The following SLC24A4 variants were observed in gnomAD, a reference collection of about 807,000 sequenced individuals.
The protein encoded by SLC24A4 is sodium/potassium/calcium exchanger 4.
In SLC24A4, 53 loss-of-function variants were observed where a neutral mutation model predicts 79.0. The ratio of observed to expected loss-of-function variants is 0.67; its 90% CI spans 0.54 to 0.84. The LOEUF is 0.84. SLC24A4 is among the 40% of genes least tolerant of loss of function. The pLI, the probability that SLC24A4 is intolerant of heterozygous loss-of-function variation, is 0.00. For synonymous variants in SLC24A4, 323 were observed against 323.8 expected (o/e 1.00, Z 0.03); for missense variants, 731 against 822.0 (o/e 0.89, Z 1.35).
At chr14:92,447,508 C>A in intron 9 of SLC24A4, 84 bp downstream of exon 9, 1 of 1,320,724 alleles carries the variant, frequency 7.6e-7, no homozygotes, top group Non-Finnish European at 1.1e-6. Flanking sequence ...GGGAGAAAAA[C>A]ATCTGTCAGA....
intron 2 of SLC24A4, among the ~76,000 whole-genome samples, chr14:92,432,582 C>T (rs1891935034): frequency 6.6e-6 from 1 of 152,154 alleles, no homozygotes; most frequent in African/African-American, 2.4e-5. Flanking sequence ...GCTGACAAAC[C>T]TTGAAGCCAA....
intron 2 of SLC24A4, among the ~76,000 whole-genome samples, chr14:92,346,374 T>C (rs996787233): frequency 4.6e-5 from 7 of 152,118 alleles, no homozygotes; most frequent in African/African-American, 1.7e-4. Context: ...AGGATGGCCA[T>C]GGAGAAGGCA....
Position 92,442,788 on chromosome 14 carries a change from T to C in SLC24A4, c.554T>C (p.Ile185Thr), listed in dbSNP as rs202125726. The C allele has an allele frequency of 9.9e-6, 16 of 1,614,044 alleles. No homozygotes were observed. In the Middle Eastern group the frequency reaches 5.0e-4, roughly 50 times the overall value. Residue 185 changes from isoleucine (I) to threonine (T), a missense_variant, in exon 6 of 17, where the codon ATT (isoleucine) becomes ACT (threonine). Coordinates refer to ENST00000532405, the MANE Select transcript of SLC24A4 (RefSeq NM_153646.4). The part of the protein sequence containing the change: ...GSAVFNILCI[I>T]GVCGLFAGQV... The stretch of plus-strand genomic sequence containing the variant: ...GCTGTGTTCAACATCCTGTGCATAA[T>C]TGGAGTGTGCGGACTGTTTGCTGGC...
intron 12 of SLC24A4, among the ~76,000 whole-genome samples, chr14:92,471,181 T>A (rs1189228677): frequency 1.3e-5 from 2 of 152,232 alleles, no homozygotes; most frequent in African/African-American, 4.8e-5. Flanking sequence ...AGCATCAGTA[T>A]CCCATTACTG....
chr14:92,375,017 T>C (rs1402159316), intron 2 of SLC24A4, among the ~76,000 whole-genome samples: 1 of 152,206 alleles, frequency 6.6e-6, no homozygotes, highest in Non-Finnish European at 1.5e-5. Flanking sequence ...AACGAGGCTA[T>C]GCCCTCTGTC....
intron 2 of SLC24A4, among the ~76,000 whole-genome samples, chr14:92,399,525 C>T (rs777672277): frequency 2.0e-5 from 3 of 152,134 alleles, no homozygotes; most frequent in Non-Finnish European, 4.4e-5. Flanking sequence ...TCCGTATTTC[C>T]TGGTGTTGAC....
At chr14:92,488,953 A>G (rs951319664) in intron 14 of SLC24A4, among the ~76,000 whole-genome samples, 1 of 152,164 alleles carries the variant, frequency 6.6e-6, no homozygotes, top group African/African-American at 2.4e-5. Flanking sequence ...TGTCCCAGTA[A>G]GATCAACAAA....
intron 12 of SLC24A4, among the ~76,000 whole-genome samples, chr14:92,468,154 T>A (rs7155778): frequency 0.7 from 106,120 of 152,062 alleles, 37,684 homozygotes; most frequent in Non-Finnish European, 0.76. Flanking sequence ...ATATTAAACA[T>A]TCCCATTTAC....
At chr14:92,493,230 G>C (rs1895796085) in intron 16 of SLC24A4, among the ~76,000 whole-genome samples, 1 of 152,168 alleles carries the variant, frequency 6.6e-6, no homozygotes, top group South Asian at 2.1e-4. Flanking sequence ...CCGGTCCCAT[G>C]AGGGCGGCTG....
At chr14:92,341,863 G>A (rs930598364) in intron 2 of SLC24A4, among the ~76,000 whole-genome samples, 1 of 152,190 alleles carries the variant, frequency 6.6e-6, no homozygotes, top group Non-Finnish European at 1.5e-5. Flanking sequence ...ATTCTTCTCT[G>A]GGCCTCAGAG....
chr14:92,439,919 A>G (rs10143108), intron 4 of SLC24A4, among the ~76,000 whole-genome samples: 3,367 of 152,264 alleles, frequency 0.022, 111 homozygotes, highest in African/African-American at 0.07. Context: ...CTCCTCATAC[A>G]CAAGATCCCA....
rs763079298 is a variant in SLC24A4, at chr14:92,493,639, C to T, written c.*11C>T. On this transcript the variant is annotated 3_prime_UTR_variant, in exon 17 of 17. Coordinates refer to ENST00000532405, the MANE Select transcript of SLC24A4 (RefSeq NM_153646.4). ...CGGGAAGACGATTAGCGCTGAGTCGCGGCCCCTGGGAGCTGATCTGGACAC... is the reference window on the plus strand; with the variant it reads ...CGGGAAGACGATTAGCGCTGAGTCGTGGCCCCTGGGAGCTGATCTGGACAC... The T allele has an allele frequency of 8.1e-6, 13 of 1,613,488 alleles. No individual in the cohort carries two copies. Among genetic ancestry groups the T allele is most frequent in the Admixed American group, 3.3e-5 (2 of 59,978 alleles).
chr14:92,463,708 G>C (rs1893943419), intron 12 of SLC24A4, among the ~76,000 whole-genome samples: 1 of 152,022 alleles, frequency 6.6e-6, no homozygotes, highest in Non-Finnish European at 1.5e-5. Context: ...CAATTCAGTG[G>C]CTTTTAATAT....
intron 2 of SLC24A4, among the ~76,000 whole-genome samples, chr14:92,337,114 G>A (rs554292041): frequency 6.6e-6 from 1 of 152,192 alleles, no homozygotes; most frequent in East Asian, 1.9e-4. Context: ...AAAACATGGG[G>A]AGGGGGTGGC....
At chr14:92,338,495 G>A (rs2141611096) in intron 2 of SLC24A4, among the ~76,000 whole-genome samples, 1 of 152,322 alleles carries the variant, frequency 6.6e-6, no homozygotes, top group South Asian at 2.1e-4. Flanking sequence ...GGCTAATGTG[G>A]TTGATGCAGT....
At chr14:92,444,809 C>T (rs987372948) in intron 7 of SLC24A4, among the ~76,000 whole-genome samples, 3 of 152,000 alleles carry the variant, frequency 2.0e-5, no homozygotes, top group South Asian at 2.1e-4. Flanking sequence ...GAGCCAAAAT[C>T]GCACTGCTGC....
chr14:92,388,084 T>C (rs1889264087), intron 2 of SLC24A4, among the ~76,000 whole-genome samples: 1 of 144,288 alleles, frequency 6.9e-6, no homozygotes, highest in African/African-American at 2.8e-5. Context: ...CTAGATCACA[T>C]GGTAATTCTG....
At chr14:92,355,887 T>C (rs561559615) in intron 2 of SLC24A4, among the ~76,000 whole-genome samples, 1 of 152,290 alleles carries the variant, frequency 6.6e-6, no homozygotes, top group East Asian at 1.9e-4. Context: ...CGTGTGTTGA[T>C]TTGTTTGTGG....
chr14:92,497,486 C>A lies in SLC24A4; in HGVS notation c.*3858C>A, dbSNP rs1450543608. On this transcript the variant is annotated 3_prime_UTR_variant, in exon 17 of 17. Transcript: ENST00000532405. The stretch of plus-strand genomic sequence containing the variant: ...CTTTCTCCTCTCTGAATCCTGGGGC[C>A]CCTCTCCCTCCTTAAAGCTGGAGTG... The A allele has an allele frequency of 6.6e-6, 1 of 152,324 alleles. No homozygotes were observed. Among genetic ancestry groups the A allele is most frequent in the Non-Finnish European group, 1.5e-5 (1 of 68,158 alleles). The allele number at this position is 152,324 out of a possible 1,614,324, so 9.4% of individuals were successfully genotyped here. A position where few individuals can be genotyped will look rare whatever the true frequency, so the allele number is the denominator to read the frequency against.
Sources: gnomAD v4.1 joint callset for allele counts (sites outside exome capture counted in the v4.1 genomes callset) on GRCh38, gnomAD v4.1.1 for gene constraint, MANE v1.5 for transcripts, NCBI Gene and HGNC (gene_info 2026-07-23, HGNC 2026-07-21) for gene names.